Variants in GSE1 observed in about 807,000 individuals in gnomAD.
GSE1 encodes the protein Gse1 coiled-coil protein.
In GSE1, 32 loss-of-function variants were observed where a neutral mutation model predicts 112.6. The observed-to-expected ratio is 0.28, with a 90% CI of 0.21 to 0.38. The LOEUF is 0.38. Among genes scored for constraint, GSE1 ranks in the 10% least tolerant of loss-of-function variants. The pLI is 1.00. For missense variants in GSE1, 2,348 were observed against 1,699.2 expected (o/e 1.38, Z -6.71); for synonymous variants, 1,115 against 735.6 (o/e 1.52, Z -8.35).
At chr16:85,634,758 C>T (rs142247107) in intron 2 of GSE1, among the ~76,000 whole-genome samples, 2,866 of 152,260 alleles carry the variant, frequency 0.019, 104 homozygotes, top group African/African-American at 0.066. Context: ...CCTCATTTTT[C>T]CTGTCTGTGC....
intron 1 of GSE1, among the ~76,000 whole-genome samples, chr16:85,254,176 G>C (rs146109754): frequency 1.3e-5 from 2 of 152,332 alleles, no homozygotes; most frequent in African/African-American, 4.8e-5. Flanking sequence ...TTCTACCCTG[G>C]TGTACTCTGG....
intron 1 of GSE1, among the ~76,000 whole-genome samples, chr16:85,268,249 T>C (rs907236359): frequency 4.8e-5 from 5 of 105,150 alleles, no homozygotes; most frequent in Non-Finnish European, 9.7e-5. Flanking sequence ...AAGGGTTCTA[T>C]AGGCCGCTGG....
chr16:85,296,368 G>T (rs1425449511), intron 1 of GSE1, among the ~76,000 whole-genome samples: 1 of 152,152 alleles, frequency 6.6e-6, no homozygotes, highest in African/African-American at 2.4e-5. Context: ...ACTTTGGGAG[G>T]CCGAGCTGGG....
chr16:85,625,030 T>C (rs1267714448), intron 1 of GSE1, among the ~76,000 whole-genome samples: 4 of 152,196 alleles, frequency 2.6e-5, no homozygotes, highest in African/African-American at 9.7e-5. Context: ...CCTTGATCGC[T>C]GTTGGTGCTG....
At chr16:85,301,734 G>A (rs904789682) in intron 1 of GSE1, among the ~76,000 whole-genome samples, 1 of 152,222 alleles carries the variant, frequency 6.6e-6, no homozygotes, top group African/African-American at 2.4e-5. Flanking sequence ...CCAGGGCAGG[G>A]CAGAGGGGCA....
intron 1 of GSE1, among the ~76,000 whole-genome samples, chr16:85,613,878 C>T (rs1272491361): frequency 4.1e-5 from 6 of 147,730 alleles, no homozygotes; most frequent in Non-Finnish European, 6.0e-5. Context: ...GGGGTGCTCG[C>T]TACTGGGGCC....
At chr16:85,657,753 G>A (rs371911680) in intron 8 of GSE1, 149 bp downstream of exon 8, 1 of 592,196 alleles carries the variant, frequency 1.7e-6, no homozygotes, top group Non-Finnish European at 2.8e-6. Flanking sequence ...ACGTTATAAT[G>A]CCTGTCTTGC....
chr16:85,508,554 C>T (rs1371716478), intron 2 of GSE1, among the ~76,000 whole-genome samples: 2 of 152,174 alleles, frequency 1.3e-5, no homozygotes, highest in African/African-American at 2.4e-5. Context: ...CAGCCTGGGC[C>T]TCCAGCCGTC....
At chr16:85,394,757 G>A (rs1841511393) in intron 2 of GSE1, among the ~76,000 whole-genome samples, 2 of 152,150 alleles carry the variant, frequency 1.3e-5, no homozygotes, top group African/African-American at 4.8e-5. Flanking sequence ...TTTTTCTACA[G>A]CAGAGCAAAC....
At chr16:85,604,878 C>T (rs1204534204) in intron 1 of GSE1, among the ~76,000 whole-genome samples, 4 of 50,152 alleles carry the variant, frequency 8.0e-5, no homozygotes, top group South Asian at 9.5e-4. Context: ...AGTGCAGTGG[C>T]GGGATCTCGG....
At chr16:85,598,015 T>C (rs1468742404) in intron 1 of GSE1, among the ~76,000 whole-genome samples, 2 of 152,000 alleles carry the variant, frequency 1.3e-5, no homozygotes, top group African/African-American at 4.8e-5. Context: ...AAATGGAACA[T>C]AAAATACCAA....
chr16:85,397,227 C>A (rs1318021607), intron 2 of GSE1, among the ~76,000 whole-genome samples: 1 of 152,224 alleles, frequency 6.6e-6, no homozygotes, highest in African/African-American at 2.4e-5. Context: ...ACACTTTTCT[C>A]CCCTTTTGCA....
chr16:85,203,510 G>A (rs1300984219), intron 1 of GSE1, among the ~76,000 whole-genome samples: 1 of 152,204 alleles, frequency 6.6e-6, no homozygotes, highest in East Asian at 1.9e-4. Context: ...TTCGTGGGAA[G>A]CCAGCAGGCC....
At chr16:85,334,295 G>A (rs1344820373) in intron 1 of GSE1, among the ~76,000 whole-genome samples, 1 of 152,226 alleles carries the variant, frequency 6.6e-6, no homozygotes, top group African/African-American at 2.4e-5. Flanking sequence ...GGGCCTCACT[G>A]GCCTCTGTTT....
At chr16:85,468,583 A>C (rs1195473314) in intron 2 of GSE1, among the ~76,000 whole-genome samples, 5 of 151,374 alleles carry the variant, frequency 3.3e-5, no homozygotes, top group Non-Finnish European at 5.9e-5. Context: ...CAGCCTCCCA[A>C]AGTGCTGGGA....
intron 1 of GSE1, among the ~76,000 whole-genome samples, chr16:85,329,449 A>T (rs1463430038): frequency 6.6e-6 from 1 of 151,720 alleles, no homozygotes; most frequent in Non-Finnish European, 1.5e-5. Flanking sequence ...TGCTGGAAGG[A>T]TATTAGCCGG....
chr16:85,590,124 G>A (rs1422695312), intron 1 of GSE1, among the ~76,000 whole-genome samples: 3 of 152,116 alleles, frequency 2.0e-5, no homozygotes, highest in African/African-American at 7.2e-5. Flanking sequence ...AATTGAACGT[G>A]TGTGATCATG....
intron 1 of GSE1, among the ~76,000 whole-genome samples, chr16:85,572,538 G>A (rs889912399): frequency 2.0e-5 from 3 of 151,180 alleles, no homozygotes; most frequent in Admixed American, 6.6e-5. Context: ...ACACATACAC[G>A]TGCACACAAC....
chr16:85,459,456 A>G (rs1430358090), intron 2 of GSE1, among the ~76,000 whole-genome samples: 4 of 152,212 alleles, frequency 2.6e-5, no homozygotes, highest in Admixed American at 6.5e-5. Flanking sequence ...GGACGACTAT[A>G]CTTGGCAGCC....
Sources: gnomAD v4.1 joint callset for allele counts (sites outside exome capture counted in the v4.1 genomes callset) on GRCh38, gnomAD v4.1.1 for gene constraint, MANE v1.5 for transcripts, NCBI Gene and HGNC (gene_info 2026-07-23, HGNC 2026-07-21) for gene names.